The following CAMK2B variants were observed in gnomAD, a reference collection of about 807,000 sequenced individuals.
CAMK2B encodes calcium/calmodulin-dependent protein kinase type II subunit beta.
A neutral mutation model predicts 93.7 loss-of-function variants in CAMK2B; 27 were observed. The ratio of observed to expected loss-of-function variants is 0.29; its 90% CI spans 0.21 to 0.40. The LOEUF is 0.40. CAMK2B is among the 10% of genes least tolerant of loss of function. The probability of loss-of-function intolerance (pLI) is 1.00; values close to 1 mark genes in which losing one functional copy is unlikely to be tolerated. For missense variants in CAMK2B, 568 were observed against 895.8 expected, an observed-to-expected ratio of 0.63 and a Z score of 4.67; for synonymous variants, 374 against 358.8, an observed-to-expected ratio of 1.04 and a Z score of -0.48.
intron 1 of CAMK2B, among the ~76,000 whole-genome samples, chr7:44,303,008 A>G (rs1167554982): frequency 6.6e-6 from 1 of 152,188 alleles, no homozygotes; most frequent in Non-Finnish European, 1.5e-5. Context: ...GAAAACCCCA[A>G]AGAATCAACA....
chr7:44,283,887 C>T (rs1400692297), intron 2 of CAMK2B, among the ~76,000 whole-genome samples: 2 of 152,224 alleles, frequency 1.3e-5, no homozygotes, highest in Non-Finnish European at 2.9e-5. Flanking sequence ...GGTCCCTTGG[C>T]ACCCCCACCA....
chr7:44,221,131 G>T (rs1271063571), intron 20 of CAMK2B, among the ~76,000 whole-genome samples: 1 of 152,210 alleles, frequency 6.6e-6, no homozygotes, highest in Non-Finnish European at 1.5e-5. Context: ...TATTTTTGAA[G>T]AACAGAAATA....
chr7:44,234,541 TG>T (rs1040260321), intron 14 of CAMK2B, 80 bp from the exon 15 acceptor site: 93 of 1,585,076 alleles, frequency 5.9e-5, no homozygotes, highest in African/African-American at 1.4e-5. Flanking sequence ...TCTCAGGGCA[TG>T]GGGGGAGGGG....
rs2128847754 is a variant in CAMK2B, at chr7:44,217,852, C to T, written c.*1673G>A. 6.6e-6 allele frequency: 1 copy of T among 152,390 alleles called. No individual in the cohort carries two copies. The highest frequency in any genetic ancestry group is 6.5e-5 in the Admixed American group (1 of 15,308). The allele number at this position is 152,390 out of a possible 1,614,324, so 9.4% of individuals were successfully genotyped here. On this transcript the variant is annotated 3_prime_UTR_variant, in exon 24 of 24. Transcript: ENST00000395749. Reference sequence around the variant, plus strand: ...TGCAGTCAGGGCTTGTGACCACCCCCACCCAACCTGGCTTCAGACCCACCC... The same window carrying T: ...TGCAGTCAGGGCTTGTGACCACCCCTACCCAACCTGGCTTCAGACCCACCC...
At chr7:44,290,312 C>T (rs895392998) in intron 1 of CAMK2B, among the ~76,000 whole-genome samples, 8 of 152,374 alleles carry the variant, frequency 5.3e-5, no homozygotes, top group South Asian at 2.1e-4. Context: ...ACGCTCCCCA[C>T]GCGGGCCAGG....
intron 2 of CAMK2B, among the ~76,000 whole-genome samples, chr7:44,270,019 G>C (rs1340890425): frequency 2.0e-5 from 3 of 152,124 alleles, no homozygotes; most frequent in Non-Finnish European, 4.4e-5. Flanking sequence ...ACTGAAAATG[G>C]AATCGTGTGT....
At chr7:44,270,042 G>A (rs950277634) in intron 2 of CAMK2B, among the ~76,000 whole-genome samples, 1 of 151,992 alleles carries the variant, frequency 6.6e-6, no homozygotes, top group Non-Finnish European at 1.5e-5. Context: ...AAATCCACAC[G>A]GGCCTGACAC....
chr7:44,323,857 C>CG lies in CAMK2B; in HGVS notation c.65+1499dup. 2.5e-5 allele frequency: 4 copies of CG among 161,262 alleles called. No individual in the cohort carries two copies. The Middle Eastern group carries it at 2.1e-3, about 83-fold the overall frequency. The allele number at this position is 161,262 out of a possible 1,614,324, so 10.0% of individuals were successfully genotyped here. Reference sequence around the variant, plus strand: ...CACCTCTGGAGGCCAAGAGGACAGACGGGGGTAGATCGGTGCATCTGAGGG... The same window carrying CG: ...CACCTCTGGAGGCCAAGAGGACAGACGGGGGGTAGATCGGTGCATCTGAGGG... On this transcript the variant is annotated intron_variant, in intron 1 of 23. Transcript: ENST00000395749.
At chr7:44,228,295 C>G (rs978213026) in intron 19 of CAMK2B, among the ~76,000 whole-genome samples, 1 of 152,014 alleles carries the variant, frequency 6.6e-6, no homozygotes, top group Admixed American at 6.5e-5. Context: ...AGACCCTGGT[C>G]GGGGTTCCAG....
At chr7:44,238,682 C>T (rs2096648025) in intron 13 of CAMK2B, among the ~76,000 whole-genome samples, 1 of 152,246 alleles carries the variant, frequency 6.6e-6, no homozygotes, top group African/African-American at 2.4e-5. Flanking sequence ...GGAACCTCTG[C>T]CGGGTCCCCA....
intron 2 of CAMK2B, among the ~76,000 whole-genome samples, chr7:44,265,254 GGA>G: frequency 6.6e-6 from 1 of 152,218 alleles, no homozygotes; most frequent in Non-Finnish European, 1.5e-5. Context: ...CGTCTCATAA[GGA>G]GAGGGTGTCC....
intron 3 of CAMK2B, among the ~76,000 whole-genome samples, chr7:44,262,775 T>G (rs1452805282): frequency 6.6e-6 from 1 of 152,142 alleles, no homozygotes; most frequent in Non-Finnish European, 1.5e-5. Context: ...AGCCCCACCT[T>G]GGGGCTGCCC....
chr7:44,220,514 G>T, intron 22 of CAMK2B, 102 bp downstream of exon 22: 1 of 1,064,244 alleles, frequency 9.4e-7, no homozygotes, highest in Non-Finnish European at 1.4e-6. Flanking sequence ...GCACAGAGGG[G>T]ACAGGGCTTC....
intron 2 of CAMK2B, among the ~76,000 whole-genome samples, chr7:44,277,502 G>A (rs1423236259): frequency 2.0e-5 from 3 of 152,150 alleles, no homozygotes; most frequent in East Asian, 1.9e-4. Flanking sequence ...GCTACCAGCC[G>A]CTTCTCATCA....
In CAMK2B at chr7:44,325,538, C is replaced by T. The variant is rs910768023; in HGVS notation, c.-117G>A. On this transcript the variant is annotated 5_prime_UTR_variant, in exon 1 of 24. Coordinates refer to ENST00000395749, the MANE Select transcript of CAMK2B (RefSeq NM_001220.5). ...CGGGCGCGGGAGACACCTCGGCTCGCGGCGCCAGGCGGGGGCCGGGCTGGG... is the reference window on the plus strand; with the variant it reads ...CGGGCGCGGGAGACACCTCGGCTCGTGGCGCCAGGCGGGGGCCGGGCTGGG... 89 of 456,506 alleles carry T rather than the reference C, an allele frequency of 1.9e-4. No homozygotes were observed. The highest frequency in any genetic ancestry group is 2.3e-4 in the Non-Finnish European group (80 of 348,746). 28.3% of individuals were successfully genotyped at this position (456,506 alleles called of 1,614,324 possible).
chr7:44,318,751 ATCT>A (rs1171044201), intron 1 of CAMK2B, among the ~76,000 whole-genome samples: 1 of 152,220 alleles, frequency 6.6e-6, no homozygotes, highest in African/African-American at 2.4e-5. Flanking sequence ...CTCCCATAAA[ATCT>A]TCTTAAATCT....
At chr7:44,307,993 G>C (rs2115920793) in intron 1 of CAMK2B, among the ~76,000 whole-genome samples, 1 of 152,168 alleles carries the variant, frequency 6.6e-6, no homozygotes, top group South Asian at 2.1e-4. Context: ...GCCTCCCAAA[G>C]CGCTGGGATT....
intron 4 of CAMK2B, among the ~76,000 whole-genome samples, chr7:44,257,025 C>T (rs1283828495): frequency 6.6e-6 from 1 of 152,222 alleles, no homozygotes; most frequent in Non-Finnish European, 1.5e-5. Context: ...TTGGCTTCAG[C>T]CATGGCGCCT....
At chr7:44,256,235 C>G (rs940352977) in intron 4 of CAMK2B, among the ~76,000 whole-genome samples, 3 of 152,220 alleles carry the variant, frequency 2.0e-5, no homozygotes, top group African/African-American at 7.2e-5. Context: ...GTCATCTGGC[C>G]GGGCTCCTGA....
Sources: gnomAD v4.1 joint callset for allele counts (sites outside exome capture counted in the v4.1 genomes callset) on GRCh38, gnomAD v4.1.1 for gene constraint, MANE v1.5 for transcripts, NCBI Gene and HGNC (gene_info 2026-07-23, HGNC 2026-07-21) for gene names.